CACNA1C: variants seen among roughly 807,000 people sequenced by gnomAD.
CACNA1C encodes voltage-dependent L-type calcium channel subunit alpha-1C.
Under a neutral mutation model 229.0 loss-of-function variants are expected in CACNA1C, and 30 were observed. The ratio of observed to expected loss-of-function variants is 0.13; its 90% CI spans 0.10 to 0.18. CACNA1C has a LOEUF of 0.18. Ranked by LOEUF, CACNA1C falls within the 10% of genes least tolerant of loss-of-function variation. The pLI, the probability that CACNA1C is intolerant of heterozygous loss-of-function variation, is 1.00. For missense variants in CACNA1C, 1,658 were observed against 2,845.0 expected, an observed-to-expected ratio of 0.58 and a Z score of 9.49; for synonymous variants, 1,114 against 1,132.5, an observed-to-expected ratio of 0.98 and a Z score of 0.33.
At chr12:2,119,403 G>C (rs1256277626) in intron 2 of CACNA1C, among the ~76,000 whole-genome samples, 1 of 152,220 alleles carries the variant, frequency 6.6e-6, no homozygotes, top group African/African-American at 2.4e-5. Flanking sequence ...GGCCCTTCCT[G>C]GGAAGCTTCC....
chr12:2,245,964 C>T (rs989870823), intron 3 of CACNA1C, among the ~76,000 whole-genome samples: 6 of 152,198 alleles, frequency 3.9e-5, no homozygotes, highest in Non-Finnish European at 7.3e-5. Context: ...AGGCCCTGCA[C>T]ACAGTGAGCA....
chr12:2,312,908 T>G (rs1217781077), intron 3 of CACNA1C, among the ~76,000 whole-genome samples: 1 of 152,134 alleles, frequency 6.6e-6, no homozygotes, highest in Non-Finnish European at 1.5e-5. Context: ...TTACTAGAAA[T>G]CTTATTCATT....
chr12:2,116,185 A>G (rs1030763189), intron 2 of CACNA1C, among the ~76,000 whole-genome samples: 1 of 152,162 alleles, frequency 6.6e-6, no homozygotes, highest in African/African-American at 2.4e-5. Flanking sequence ...AACAACGGAA[A>G]ACTCTCTGGG....
chr12:2,031,785 C>T (rs1356096459), intron 1 of CACNA1C, among the ~76,000 whole-genome samples: 2 of 152,200 alleles, frequency 1.3e-5, no homozygotes, highest in African/African-American at 4.8e-5. Flanking sequence ...CAGTGGCTTT[C>T]TTTGGCTTTC....
chr12:2,139,312 A>T (rs1404128970), intron 3 of CACNA1C, among the ~76,000 whole-genome samples: 2 of 151,048 alleles, frequency 1.3e-5, no homozygotes, highest in Admixed American at 1.3e-4. Context: ...CCCTCCTCTG[A>T]TAAGGACAGC....
At chr12:2,682,163 C>A in intron 42 of CACNA1C, 1 of 679,116 alleles carries the variant, frequency 1.5e-6, no homozygotes, top group East Asian at 2.6e-5. Flanking sequence ...GCCAAAGACC[C>A]AGGTGTCATA....
rs1601150962 is a variant in CACNA1C, at chr12:2,585,549, G to A, written c.2460+53G>A. The A allele has an allele frequency of 6.7e-7, 1 of 1,498,984 alleles. No homozygotes were observed. The highest frequency in any genetic ancestry group is 8.9e-7 in the Non-Finnish European group (1 of 1,120,050). The allele number at this position is 1,498,984 out of a possible 1,614,324, so 92.9% of individuals were successfully genotyped here. ...GTGAGGCCGGTGCTGGGGAGGGAGG[G>A]CCACAGCCTTCCCAGGCCAGAACCC... On this transcript the variant is annotated intron_variant, in intron 17 of 46. Coordinates refer to ENST00000399655, the MANE Select transcript of CACNA1C (RefSeq NM_000719.7). The surrounding 1 kb of genome is among the most constrained non-coding windows in gnomAD (Gnocchi z 4.1).
At chr12:2,408,315 G>C (rs1205740024) in intron 3 of CACNA1C, among the ~76,000 whole-genome samples, 1 of 152,180 alleles carries the variant, frequency 6.6e-6, no homozygotes, top group African/African-American at 2.4e-5. Context: ...CAGGAGATGG[G>C]TGGTGATAAT....
At chr12:2,496,800 AG>A (rs1441289465) in intron 7 of CACNA1C, among the ~76,000 whole-genome samples, 1 of 152,230 alleles carries the variant, frequency 6.6e-6, no homozygotes, top group East Asian at 1.9e-4. Context: ...AGAATAAGGA[AG>A]GGTGGATACC....
At position 2,674,636 on chromosome 12, in the gene CACNA1C, G is replaced by A; in HGVS notation, c.4822G>A (p.Ala1608Thr). The A allele has an allele frequency of 6.4e-7, 1 of 1,563,604 alleles. No homozygotes were observed. Among genetic ancestry groups the A allele is most frequent in the Non-Finnish European group, 8.7e-7 (1 of 1,153,928 alleles). Reference protein sequence around the residue: ...MKLLDQVVPPAGDDEVTVGKF... With the variant: ...MKLLDQVVPPTGDDEVTVGKF... Reference sequence around the variant, plus strand: ...GCTGCTGGACCAGGTGGTGCCCCCTGCAGGTGGTGAGTGCTCCCTGGACTC... The same window carrying A: ...GCTGCTGGACCAGGTGGTGCCCCCTACAGGTGGTGAGTGCTCCCTGGACTC... The change falls in exon 39 of 47, where the codon GCA becomes ACA. Residue 1608 changes from alanine (A) to threonine (T), a missense_variant. By Grantham distance (58) the Ala-to-Thr change is moderately conservative (BLOSUM62 0). This residue lies in a region of CACNA1C where 151 missense variants were observed against 344.4 expected (regional missense o/e 0.44). Transcript: ENST00000399655.
At position 2,354,398 on chromosome 12, in the gene CACNA1C, T is replaced by C. The variant is rs918664520; in HGVS notation, c.478-94578T>C. ...AGTGGTGATAAGCCAAATCTTTCTTTAGAGGAGCGAAAACACAGCTAGCCA... is the reference window on the plus strand; with the variant it reads ...AGTGGTGATAAGCCAAATCTTTCTTCAGAGGAGCGAAAACACAGCTAGCCA... On this transcript the variant is annotated intron_variant, in intron 3 of 46. Transcript: ENST00000399655. This position sits in a 1 kb window ranked among gnomAD's most constrained non-coding sequence, Gnocchi z 4.6. 6.6e-6 allele frequency among the ~76,000 whole-genome samples: 1 copy of C among 152,018 alleles called. No homozygotes were observed. Among genetic ancestry groups the C allele is most frequent in the Non-Finnish European group, 1.5e-5 (1 of 67,982 alleles).
chr12:2,160,789 C>T (rs1357295284), intron 3 of CACNA1C, among the ~76,000 whole-genome samples: 2 of 152,120 alleles, frequency 1.3e-5, no homozygotes, highest in African/African-American at 4.8e-5. Context: ...GAAAGAGTAT[C>T]GATTTGGTAT....
intron 9 of CACNA1C, among the ~76,000 whole-genome samples, chr12:2,526,092 A>G (rs1243007506): frequency 1.3e-5 from 2 of 152,170 alleles, no homozygotes; most frequent in African/African-American, 2.4e-5. Flanking sequence ...GGGCTGGCTC[A>G]TTTATGTCTT....
chr12:2,271,619 G>T (rs1015218559), intron 3 of CACNA1C, among the ~76,000 whole-genome samples: 1 of 152,156 alleles, frequency 6.6e-6, no homozygotes, highest in Non-Finnish European at 1.5e-5. Flanking sequence ...TTGTGTCAAG[G>T]CCAGGCATGG....
intron 3 of CACNA1C, among the ~76,000 whole-genome samples, chr12:2,366,708 C>T (rs1273275723): frequency 1.3e-5 from 2 of 152,170 alleles, no homozygotes; most frequent in Admixed American, 1.3e-4. Context: ...TTAGTCTGTT[C>T]TCACACTGTT....
At chr12:2,038,290 C>A (rs73601563) in intron 1 of CACNA1C, among the ~76,000 whole-genome samples, 4,469 of 152,142 alleles carry the variant, frequency 0.029, 203 homozygotes, top group African/African-American at 0.1. Context: ...TCATAGAATT[C>A]GAGTCACGGT....
At chr12:2,461,728 T>C (rs1292916518) in intron 5 of CACNA1C, among the ~76,000 whole-genome samples, 1 of 152,224 alleles carries the variant, frequency 6.6e-6, no homozygotes, top group Non-Finnish European at 1.5e-5. Flanking sequence ...ATTGGACTTA[T>C]TTCTTTTTCT....
chr12:2,635,243 C>T (rs1459395999), intron 30 of CACNA1C, among the ~76,000 whole-genome samples: 1 of 152,206 alleles, frequency 6.6e-6, no homozygotes, highest in African/African-American at 2.4e-5. Context: ...GGCCTCCTGC[C>T]ACCTCCTTCT....
At chr12:2,007,448 T>G (rs151062683) in intron 1 of CACNA1C, among the ~76,000 whole-genome samples, 2,432 of 152,360 alleles carry the variant, frequency 0.016, 23 homozygotes, top group Non-Finnish European at 0.024. Flanking sequence ...TGACTACAAT[T>G]GCAAAGCATT....
Sources: gnomAD v4.1 joint callset for allele counts (sites outside exome capture counted in the v4.1 genomes callset) on GRCh38, gnomAD v4.1.1 for gene constraint, gnomAD v4.1.1 regional missense constraint, Gnocchi (gnomAD v3.1) non-coding constraint, MANE v1.5 for transcripts, NCBI Gene and HGNC (gene_info 2026-07-23, HGNC 2026-07-21) for gene names.